EFTUD2: variants seen among roughly 807,000 people sequenced by gnomAD.
EFTUD2 encodes 116 kDa U5 small nuclear ribonucleoprotein component.
EFTUD2 carries 9 observed loss-of-function variants against 114.3 expected under a neutral mutation model. That is an observed-to-expected ratio of 0.08 (90% CI 0.05 to 0.14). The LOEUF is 0.14. EFTUD2 is among the 10% of genes least tolerant of loss of function. The pLI is 1.00. For synonymous variants in EFTUD2, 449 were observed against 462.3 expected (o/e 0.97, Z 0.37); for missense variants, 765 against 1,241.2 (o/e 0.62, Z 5.76).
chr17:44,868,503 C>T (rs984644855), intron 11 of EFTUD2, 153 bp from the exon 12 acceptor site: 32 of 628,018 alleles, frequency 5.1e-5, no homozygotes, highest in Non-Finnish European at 7.6e-5. Context: ...AAAACGAGGA[C>T]ACTGAGGCAC....
chr17:44,854,247 G>A lies in EFTUD2; in HGVS notation c.2347+22C>T, dbSNP rs779875128. 55 of 1,603,388 alleles carry A rather than the reference G, an allele frequency of 3.4e-5. No homozygotes were observed. The highest frequency in any genetic ancestry group is 6.8e-5 in the Admixed American group (4 of 58,742). On this transcript the variant is annotated intron_variant, in intron 23 of 27. Coordinates refer to ENST00000426333, the MANE Select transcript of EFTUD2 (RefSeq NM_004247.4). This position sits in a 1 kb window ranked among gnomAD's most constrained non-coding sequence, Gnocchi z 4.3. ...TGCAAGGACCCTCGAGGACTGGGGT[G>A]GGGGAGTGCTGGTGGACTTACATTC...
chr17:44,890,206 G>A (rs987674781), intron 2 of EFTUD2, among the ~76,000 whole-genome samples: 1 of 151,360 alleles, frequency 6.6e-6, no homozygotes. Context: ...TTTTAATAGA[G>A]ACAGGGTTTC....
At chr17:44,884,531 A>G (rs1194356035) in intron 4 of EFTUD2, among the ~76,000 whole-genome samples, 2 of 150,686 alleles carry the variant, frequency 1.3e-5, no homozygotes, top group African/African-American at 2.4e-5. Context: ...AAAAAAAAAA[A>G]AGAGAGAGAG....
Position 44,854,878 on chromosome 17 carries a change from C to T in EFTUD2, c.2132+40G>A, listed in dbSNP as rs190738272. 81 of 1,602,460 alleles carry T rather than the reference C, an allele frequency of 5.1e-5. No homozygotes were observed. The African/African-American group carries it at 9.8e-4, about 19-fold the overall frequency. ...ACCCGGCAGTTAAACTGTGGCATCC[C>T]TGCCTCCTTTCGACCCTGGCGTCAG... is the stretch of plus-strand genomic sequence containing the variant. On this transcript the variant is annotated intron_variant, in intron 21 of 27. Coordinates refer to ENST00000426333, the MANE Select transcript of EFTUD2 (RefSeq NM_004247.4). The surrounding 1 kb of genome is among the most constrained non-coding windows in gnomAD (Gnocchi z 4.3).
At chr17:44,863,033 A>C in intron 15 of EFTUD2, 127 bp from the exon 16 acceptor site, 2 of 732,002 alleles carry the variant, frequency 2.7e-6, no homozygotes, top group Non-Finnish European at 4.4e-6. Flanking sequence ...AGGTAGTCTC[A>C]TCTCCAAACC....
At chr17:44,874,198 C>G (rs745752467) in intron 10 of EFTUD2, among the ~76,000 whole-genome samples, 3 of 151,830 alleles carry the variant, frequency 2.0e-5, no homozygotes, top group Non-Finnish European at 4.4e-5. Context: ...CATGCCAGCA[C>G]GCCAAGCTAA....
At chr17:44,884,610 G>A (rs978072677) in intron 4 of EFTUD2, among the ~76,000 whole-genome samples, 3 of 151,578 alleles carry the variant, frequency 2.0e-5, no homozygotes, top group Non-Finnish European at 2.9e-5. Context: ...AAAGAGTTGA[G>A]GGCCGGGCAT....
chr17:44,877,975 A>T (rs1251423281), intron 9 of EFTUD2, among the ~76,000 whole-genome samples: 2 of 152,062 alleles, frequency 1.3e-5, no homozygotes, highest in African/African-American at 4.8e-5. Context: ...GTCTCTACTA[A>T]AAATACAAAA....
Position 44,864,961 on chromosome 17 carries a change from C to T in EFTUD2, c.1254G>A (p.Leu418=). The T allele has an allele frequency of 6.2e-7, 1 of 1,614,132 alleles. No individual in the cohort carries two copies. The highest frequency in any genetic ancestry group is 1.3e-5 in the African/African-American group (1 of 75,018). Residue 418 remains leucine (L), a synonymous_variant, in exon 14 of 28, where the codon CTG becomes CTA. Transcript: ENST00000426333. ...LKLNIRPLLR[L]VCKKFFGEFT... ...ACTCGCCAAAGAACTTTTTGCAGAC[C>T]AGCCTGAGCAAGGGGCGGATGTTCA...
At chr17:44,862,988 A>C in intron 15 of EFTUD2, 82 bp from the exon 16 acceptor site, 1 of 1,220,284 alleles carries the variant, frequency 8.2e-7, no homozygotes, top group Non-Finnish European at 1.2e-6. Flanking sequence ...CTTGACAGCA[A>C]GGACATGAGC....
At chr17:44,863,114 T>TTTTTTG (rs2050687396) in intron 15 of EFTUD2, 1 of 443,872 alleles carries the variant, frequency 2.3e-6, no homozygotes. Context: ...TCCTCTTTTT[T>TTTTTTG]TTTTTTTGGG....
chr17:44,866,186 T>G (rs1361096233), intron 13 of EFTUD2, among the ~76,000 whole-genome samples: 1 of 152,226 alleles, frequency 6.6e-6, no homozygotes, highest in Non-Finnish European at 1.5e-5. Flanking sequence ...GATTTCAATC[T>G]GACAAGCATC....
At chr17:44,878,422 A>C (rs757947855) in intron 9 of EFTUD2, among the ~76,000 whole-genome samples, 1 of 152,232 alleles carries the variant, frequency 6.6e-6, no homozygotes, top group Non-Finnish European at 1.5e-5. Context: ...GAGAGACTTG[A>C]AAATCATGAA....
chr17:44,859,829 T>C (rs751806119), intron 18 of EFTUD2, 76 bp downstream of exon 18: 6 of 1,601,182 alleles, frequency 3.7e-6, no homozygotes, highest in Non-Finnish European at 5.1e-6. Context: ...ACCTGATGGA[T>C]GGGAAGCGGT....
intron 6 of EFTUD2, 196 bp from the exon 7 acceptor site, chr17:44,881,918 G>A (rs1597818058): frequency 5.3e-6 from 3 of 565,080 alleles, no homozygotes; most frequent in South Asian, 4.3e-5. Context: ...TCCTGGGTGT[G>A]TGGAGGGATT....
rs2050623649 is a variant in EFTUD2 at position 44,859,834 on chromosome 17, A to G, written c.1860+71T>C. 3.1e-6 allele frequency: 5 copies of G among 1,603,260 alleles called. No individual in the cohort carries two copies. The African/African-American group carries it at 6.7e-5, about 21-fold the overall frequency. On this transcript the variant is annotated intron_variant, in intron 18 of 27. Transcript: ENST00000426333. ...GATCATGAACACCTGATGGATGGGAAGCGGTGTGCAGCTCTGCCCATTCAG... is the reference window on the plus strand; with the variant it reads ...GATCATGAACACCTGATGGATGGGAGGCGGTGTGCAGCTCTGCCCATTCAG...
intron 10 of EFTUD2, among the ~76,000 whole-genome samples, chr17:44,873,564 T>G (rs2050892876): frequency 6.6e-6 from 1 of 151,960 alleles, no homozygotes; most frequent in African/African-American, 2.4e-5. Context: ...TGCCCAGGCT[T>G]GAACCTTGAA....
intron 1 of EFTUD2, among the ~76,000 whole-genome samples, chr17:44,894,856 A>G (rs1212072493): frequency 6.6e-6 from 1 of 152,266 alleles, no homozygotes; most frequent in Non-Finnish European, 1.5e-5. Context: ...CTCCAAAGCC[A>G]AAAGAGGAGG....
At chr17:44,883,287 G>C (rs1327514995) in intron 5 of EFTUD2, 129 bp from the exon 6 acceptor site, 1 of 747,452 alleles carries the variant, frequency 1.3e-6, no homozygotes, top group Non-Finnish European at 2.2e-6. Context: ...AGGGTTATGG[G>C]ACAGCAAATA....
Sources: gnomAD v4.1 joint callset for allele counts (sites outside exome capture counted in the v4.1 genomes callset) on GRCh38, gnomAD v4.1.1 for gene constraint, Gnocchi (gnomAD v3.1) non-coding constraint, MANE v1.5 for transcripts, NCBI Gene and HGNC (gene_info 2026-07-23, HGNC 2026-07-21) for gene names.